The following SYT14 variants were observed in gnomAD, a reference collection of about 807,000 sequenced individuals.
The protein encoded by SYT14 is synaptotagmin-14.
SYT14 carries 32 observed loss-of-function variants against 74.2 expected under a neutral mutation model. The ratio of observed to expected loss-of-function variants is 0.43; its 90% CI spans 0.33 to 0.58. SYT14 has a LOEUF of 0.58. SYT14 is among the 20% of genes least tolerant of loss of function. The pLI is 0.05. For synonymous variants in SYT14, 298 were observed against 337.7 expected, an observed-to-expected ratio of 0.88 and a Z score of 1.29; for missense variants, 791 against 981.8, an observed-to-expected ratio of 0.81 and a Z score of 2.60.
At chr1:209,941,834 A>AT (rs2078735506) in intron 1 of SYT14, among the ~76,000 whole-genome samples, 8 of 152,252 alleles carry the variant, frequency 5.3e-5, no homozygotes, top group Middle Eastern at 3.4e-3. Flanking sequence ...TCCCCTGGAG[A>AT]CACTAAAATT....
chr1:210,069,529 C>A (rs1455515313), intron 5 of SYT14, among the ~76,000 whole-genome samples: 3 of 151,836 alleles, frequency 2.0e-5, no homozygotes, highest in Admixed American at 2.0e-4. Context: ...GTGGTAATAA[C>A]CTTCTTTATG....
At chr1:209,954,347 A>G (rs147597817) in intron 2 of SYT14, among the ~76,000 whole-genome samples, 24 of 151,910 alleles carry the variant, frequency 1.6e-4, no homozygotes, top group African/African-American at 5.3e-4. Flanking sequence ...CTCTATTCCT[A>G]TCCGGGTAGT....
chr1:209,978,981 C>T lies in SYT14; in HGVS notation c.-486+26225C>T, dbSNP rs555901805. On this transcript the variant is annotated intron_variant, in intron 2 of 9. Transcript: ENST00000637265. ...GCTGTGCTAGGAATCAGCGAGGCTCCGTGGGCGTAGGACCCTCCGAGCCAG... is the reference window on the plus strand; with the variant it reads ...GCTGTGCTAGGAATCAGCGAGGCTCTGTGGGCGTAGGACCCTCCGAGCCAG... Among the ~76,000 whole-genome samples the T allele has an allele frequency of 3.9e-5, 6 of 152,282 alleles. No individual in the cohort carries two copies. The South Asian group carries it at 6.2e-4, about 16-fold the overall frequency.
intron 6 of SYT14, among the ~76,000 whole-genome samples, chr1:210,098,877 G>A (rs571970207): frequency 1.3e-4 from 20 of 152,018 alleles, no homozygotes; most frequent in African/African-American, 4.1e-4. Flanking sequence ...AGATGGCCAT[G>A]TTAGTAGAGA....
exon 10 of SYT14, chr1:210,162,497 G>A: frequency 2.9e-6 from 1 of 350,232 alleles, no homozygotes; most frequent in Non-Finnish European, 5.5e-6. Flanking sequence ...ATCATTTTAT[G>A]CATATACTTT....
intron 3 of SYT14, among the ~76,000 whole-genome samples, chr1:210,014,937 A>G (rs1405069458): frequency 6.6e-6 from 1 of 152,012 alleles, no homozygotes; most frequent in African/African-American, 2.4e-5. Flanking sequence ...GATTATATCT[A>G]TTGATATGTA....
intron 7 of SYT14, among the ~76,000 whole-genome samples, chr1:210,126,519 G>T (rs1436758074): frequency 6.6e-6 from 1 of 152,102 alleles, no homozygotes; most frequent in Non-Finnish European, 1.5e-5. Flanking sequence ...GGTTAAATTT[G>T]TCTGGGATTG....
At chr1:209,978,965 G>C (rs1385057549) in intron 2 of SYT14, among the ~76,000 whole-genome samples, 1 of 152,222 alleles carries the variant, frequency 6.6e-6, no homozygotes, top group Non-Finnish European at 1.5e-5. Flanking sequence ...TGCTGTGCTA[G>C]GAATCAGCGA....
chr1:210,031,997 C>T (rs1035964548), intron 5 of SYT14, among the ~76,000 whole-genome samples: 9 of 152,104 alleles, frequency 5.9e-5, no homozygotes, highest in Admixed American at 4.6e-4. Flanking sequence ...AAATAAGGGA[C>T]AACTAGCAGA....
chr1:210,156,456 A>G (rs964260179), intron 8 of SYT14, among the ~76,000 whole-genome samples: 4 of 152,062 alleles, frequency 2.6e-5, no homozygotes, highest in African/African-American at 9.7e-5. Context: ...CAGGACAAAC[A>G]GAATAAGGAA....
At chr1:210,136,326 A>G (rs1360435964) in intron 7 of SYT14, among the ~76,000 whole-genome samples, 1 of 152,158 alleles carries the variant, frequency 6.6e-6, no homozygotes, top group East Asian at 1.9e-4. Context: ...GTAAGGAGAA[A>G]GGGAACGGGG....
intron 2 of SYT14, among the ~76,000 whole-genome samples, chr1:210,003,570 C>A (rs546715582): frequency 4.0e-5 from 6 of 150,082 alleles, no homozygotes; most frequent in African/African-American, 1.4e-4. Context: ...GATTTTTTAC[C>A]TCTATTCATT....
intron 2 of SYT14, among the ~76,000 whole-genome samples, chr1:209,984,046 T>C (rs2079533115): frequency 6.6e-6 from 1 of 152,204 alleles, no homozygotes; most frequent in South Asian, 2.1e-4. Flanking sequence ...CAACCAAAGA[T>C]GTATGTGCCA....
chr1:210,143,951 TTA>T (rs1218319120), intron 7 of SYT14, among the ~76,000 whole-genome samples: 1 of 152,138 alleles, frequency 6.6e-6, no homozygotes, highest in East Asian at 1.9e-4. Context: ...GAGGGTACTG[TTA>T]CTATATTATT....
chr1:210,056,390 G>A (rs1261212312), intron 5 of SYT14, among the ~76,000 whole-genome samples: 2 of 152,094 alleles, frequency 1.3e-5, no homozygotes, highest in Non-Finnish European at 2.9e-5. Context: ...CTTGGTAGGG[G>A]TTTGTTCTAG....
At chr1:210,023,760 G>C (rs941296084) in intron 5 of SYT14, among the ~76,000 whole-genome samples, 1 of 152,332 alleles carries the variant, frequency 6.6e-6, no homozygotes, top group East Asian at 1.9e-4. Context: ...ACTTGAGTGA[G>C]AATTATTTCA....
intron 7 of SYT14, among the ~76,000 whole-genome samples, chr1:210,105,412 A>G (rs749508797): frequency 7.9e-5 from 12 of 152,146 alleles, no homozygotes; most frequent in Admixed American, 2.6e-4. Flanking sequence ...ATTCACTACT[A>G]TGGAAGCATG....
chr1:209,981,347 GAA>G (rs566041586), intron 2 of SYT14, among the ~76,000 whole-genome samples: 31 of 151,974 alleles, frequency 2.0e-4, no homozygotes, highest in South Asian at 4.2e-4. Context: ...TGCTTGGTTG[GAA>G]AAAGATTTTA....
rs1379579543 is a variant in SYT14, at chr1:210,061,507, TA to T, written c.1313-32811del. Among the ~76,000 whole-genome samples, 12 of 152,056 alleles carry T rather than the reference TA, an allele frequency of 7.9e-5. No individual in the cohort carries two copies. In the East Asian group the frequency reaches 2.3e-3, roughly 29 times the overall value. On this transcript the variant is annotated intron_variant, in intron 5 of 9. Coordinates refer to ENST00000637265, the Ensembl canonical transcript of SYT14. Reference sequence around the variant, plus strand: ...AGTTATCTTTTTTTCCTTATTCTTTTAAAAGCAAATATCCACAGTAAAGGTG... The same window carrying T: ...AGTTATCTTTTTTTCCTTATTCTTTTAAAGCAAATATCCACAGTAAAGGTG...
Sources: allele counts gnomAD v4.1 joint callset (sites outside exome capture counted in the v4.1 genomes callset), GRCh38; gene constraint gnomAD v4.1.1; transcripts MANE v1.5; gene names NCBI Gene and HGNC (gene_info 2026-07-23, HGNC 2026-07-21).